The following CRIM1 variants were observed in gnomAD, a reference collection of about 807,000 sequenced individuals.
CRIM1 encodes the protein cysteine rich transmembrane BMP regulator 1.
Under a neutral mutation model 116.4 loss-of-function variants are expected in CRIM1, and 32 were observed. That is an observed-to-expected ratio of 0.27 (90% confidence interval 0.21 to 0.37). The LOEUF (loss-of-function observed/expected upper bound fraction) is 0.37. CRIM1 is among the 10% of genes least tolerant of loss of function. CRIM1 has a pLI of 1.00. For missense variants in CRIM1, 1,331 were observed against 1,354.8 expected, an observed-to-expected ratio of 0.98 and a Z score of 0.28; for synonymous variants, 590 against 509.2, an observed-to-expected ratio of 1.16 and a Z score of -2.13.
intron 8 of CRIM1, among the ~76,000 whole-genome samples, chr2:36,508,792 A>G (rs772645603): frequency 7.9e-5 from 12 of 152,342 alleles, no homozygotes; most frequent in East Asian, 1.9e-4. Flanking sequence ...GAAGACTTCT[A>G]TTAGGCTAAT....
chr2:36,414,717 C>CA (rs1673469799), intron 2 of CRIM1, among the ~76,000 whole-genome samples: 1 of 152,148 alleles, frequency 6.6e-6, no homozygotes, highest in South Asian at 2.1e-4. Flanking sequence ...TTCAGTGACC[C>CA]CAGTATGGGA....
intron 2 of CRIM1, among the ~76,000 whole-genome samples, chr2:36,407,768 G>C (rs1472290312): frequency 6.6e-6 from 1 of 151,368 alleles, no homozygotes; most frequent in Non-Finnish European, 1.5e-5. Context: ...ACAGGAGTGT[G>C]AGTGTAAAGG....
intron 14 of CRIM1, among the ~76,000 whole-genome samples, chr2:36,542,266 C>A (rs1477566690): frequency 6.6e-6 from 1 of 152,190 alleles, no homozygotes; most frequent in African/African-American, 2.4e-5. Context: ...CAGTGCCTGC[C>A]ATGTAGGAAG....
chr2:36,383,631 T>G (rs1670950503), intron 1 of CRIM1, among the ~76,000 whole-genome samples: 1 of 152,168 alleles, frequency 6.6e-6, no homozygotes, highest in South Asian at 2.1e-4. Context: ...GGGAAGCAGT[T>G]TCTGCTCTCA....
intron 7 of CRIM1, among the ~76,000 whole-genome samples, chr2:36,489,533 A>T (rs147803735): frequency 1.3e-4 from 20 of 152,298 alleles, no homozygotes; most frequent in African/African-American, 4.3e-4. Flanking sequence ...TGTGACAGAG[A>T]TACTAAGAAC....
chr2:36,455,921 A>G (rs1677098283), intron 4 of CRIM1, among the ~76,000 whole-genome samples: 1 of 152,128 alleles, frequency 6.6e-6, no homozygotes, highest in South Asian at 2.1e-4. Flanking sequence ...GATGAGAGAC[A>G]ATACGGTCTT....
Position 36,372,932 on chromosome 2 carries a change from A to AT in CRIM1, c.331+16315dup, listed in dbSNP as rs1163793378. Among the ~76,000 whole-genome samples the AT allele has an allele frequency of 1.2e-4, 19 of 152,262 alleles. No individual in the cohort carries two copies. The Middle Eastern group carries it at 0.01, about 82-fold the overall frequency. On this transcript the variant is annotated intron_variant, in intron 1 of 16. Transcript: ENST00000280527. ...GAACAGTGAAGATTTAAGCAAGGTT[A>AT]TTTTTTGAGGGTCCACTGATGATTT...
At chr2:36,421,425 T>G (rs1370710545) in intron 2 of CRIM1, among the ~76,000 whole-genome samples, 1 of 152,230 alleles carries the variant, frequency 6.6e-6, no homozygotes, top group African/African-American at 2.4e-5. Flanking sequence ...TCAAAAACCA[T>G]TTTTATTAGT....
intron 2 of CRIM1, among the ~76,000 whole-genome samples, chr2:36,429,317 G>A (rs963947207): frequency 6.6e-6 from 1 of 152,178 alleles, no homozygotes; most frequent in Non-Finnish European, 1.5e-5. Flanking sequence ...GAATATGGGA[G>A]CAACACTGAC....
At chr2:36,527,017 G>A (rs1286819429) in intron 13 of CRIM1, among the ~76,000 whole-genome samples, 2 of 152,098 alleles carry the variant, frequency 1.3e-5, no homozygotes, top group Non-Finnish European at 2.9e-5. Context: ...GCAAGTATTT[G>A]TTAGTAACTA....
At chr2:36,378,513 C>G (rs1236795980) in intron 1 of CRIM1, 2 of 409,398 alleles carry the variant, frequency 4.9e-6, no homozygotes, top group African/African-American at 4.2e-5. Context: ...GCTCACAGCT[C>G]TAACGTAAGG....
At chr2:36,359,256 TATTTA>T (rs1669061845) in intron 1 of CRIM1, among the ~76,000 whole-genome samples, 3 of 152,364 alleles carry the variant, frequency 2.0e-5, no homozygotes, top group Admixed American at 2.0e-4. Context: ...CTTGAAAACT[TATTTA>T]ATTGGCTACG....
At chr2:36,446,085 A>G (rs1676222343) in intron 4 of CRIM1, among the ~76,000 whole-genome samples, 1 of 152,220 alleles carries the variant, frequency 6.6e-6, no homozygotes, top group African/African-American at 2.4e-5. Context: ...CTGAAACTTT[A>G]GCTGTAAAGA....
chr2:36,465,907 A>G (rs1232241073), intron 5 of CRIM1, among the ~76,000 whole-genome samples: 1 of 147,792 alleles, frequency 6.8e-6, no homozygotes, highest in African/African-American at 2.6e-5. Flanking sequence ...TTTTTTTGAG[A>G]CAGAGTCTCG....
chr2:36,537,490 C>A lies in CRIM1; in HGVS notation c.2567C>A (p.Pro856His), dbSNP rs201789171. The A allele has an allele frequency of 9.9e-6, 16 of 1,614,208 alleles. No individual in the cohort carries two copies. In the Admixed American group the frequency reaches 1.5e-4, roughly 15 times the overall value. Residue 856 changes from proline (P) to histidine (H), a missense_variant, in exon 14 of 17, where the codon CCT (proline) becomes CAT (histidine). Transcript: ENST00000280527. ...QTLCSTVSCP[P>H]LPCVEPINVE... is the part of the protein sequence containing the mutation. The stretch of plus-strand genomic sequence containing the variant: ...CTCTGCTCGACCGTCAGCTGCCCCC[C>A]TCTGCCCTGTGTTGAGCCCATCAAC...
At chr2:36,407,703 C>CAAAAA (rs10719018) in intron 2 of CRIM1, among the ~76,000 whole-genome samples, 1 of 99,706 alleles carries the variant, frequency 1.0e-5, no homozygotes, top group Non-Finnish European at 2.3e-5. Context: ...TTGTGCCCGT[C>CAAAAA]AAAAAAAAAA....
intron 8 of CRIM1, among the ~76,000 whole-genome samples, chr2:36,506,133 GCACACACACACA>G (rs142839402): frequency 7.3e-6 from 1 of 136,422 alleles, no homozygotes; most frequent in Non-Finnish European, 1.5e-5. Context: ...ATTGCAGGGT[GCACACACACACA>G]CACACACACA....
In CRIM1 at chr2:36,502,686, A is replaced by G. The variant is rs139994030; in HGVS notation, c.1501+3339A>G. Among the ~76,000 whole-genome samples, 197 of 152,340 alleles carry G rather than the reference A, an allele frequency of 1.3e-3. 1 individual carries two copies. Among genetic ancestry groups the G allele is most frequent in the African/African-American group, 4.7e-3 (194 of 41,572 alleles). On this transcript the variant is annotated intron_variant, in intron 8 of 16. Transcript: ENST00000280527. ...ATATCACTACTTTAAGCCAAAAGCT[A>G]TAACGTACAAATGTAAATTATTTTA...
chr2:36,486,624 G>A (rs1046725646), intron 7 of CRIM1, among the ~76,000 whole-genome samples: 4 of 152,040 alleles, frequency 2.6e-5, no homozygotes, highest in Non-Finnish European at 5.9e-5. Flanking sequence ...CGTGCAAGGG[G>A]GTGGGTTGCT....
Sources: gnomAD v4.1 joint callset for allele counts (sites outside exome capture counted in the v4.1 genomes callset) on GRCh38, gnomAD v4.1.1 for gene constraint, MANE v1.5 for transcripts, NCBI Gene and HGNC (gene_info 2026-07-23, HGNC 2026-07-21) for gene names.